The following SCAP variants were observed in gnomAD, a reference collection of about 807,000 sequenced individuals.
SCAP encodes sterol regulatory element-binding protein cleavage-activating protein.
In SCAP, 65 loss-of-function variants were observed where a neutral mutation model predicts 123.6. The observed-to-expected ratio is 0.53, with a 90% CI of 0.43 to 0.65. The LOEUF is 0.65. Ranked by LOEUF, SCAP falls within the 30% of genes least tolerant of loss-of-function variation. SCAP has a pLI of 0.00. For missense variants in SCAP, 1,398 were observed against 1,712.5 expected, an observed-to-expected ratio of 0.82 and a Z score of 3.24; for synonymous variants, 740 against 726.3, an observed-to-expected ratio of 1.02 and a Z score of -0.30.
chr3:47,472,612 C>T (rs920009923), intron 1 of SCAP, among the ~76,000 whole-genome samples: 7 of 152,126 alleles, frequency 4.6e-5, no homozygotes, highest in Admixed American at 6.6e-5. Context: ...ATCCCTGCAA[C>T]CATTCTAGGT....
intron 14 of SCAP, 29 bp downstream of exon 14, chr3:47,418,626 T>TACCCCCCC: frequency 4.1e-6 from 6 of 1,459,562 alleles, no homozygotes; most frequent in Non-Finnish European, 5.7e-6. Context: ...CCGCACTCTT[T>TACCCCCCC]CCCACCCCAC....
chr3:47,413,890 C>T lies in SCAP; in HGVS notation c.3804G>A (p.Leu1268=), dbSNP rs767664832. Residue 1268 remains leucine, a synonymous_variant, in exon 23 of 23, where the codon CTG becomes CTA. Transcript: ENST00000265565. ...TCTCCAGCACAGAGGGCACATACAC[C>T]AGGCTGAGCTCACTGCCAAAGTTGC... ...IVCNFGSELS[L]VYVPSVLEKL... The T allele has an allele frequency of 2.5e-6, 4 of 1,613,040 alleles. No homozygotes were observed. The African/African-American group carries it at 5.3e-5, about 22-fold the overall frequency.
intron 3 of SCAP, among the ~76,000 whole-genome samples, chr3:47,430,576 C>T (rs970668227): frequency 1.7e-4 from 26 of 152,126 alleles, no homozygotes; most frequent in Admixed American, 1.3e-4. Flanking sequence ...ACAGAAATTA[C>T]GAGGAAGATG....
At chr3:47,429,146 A>C (rs1426128845) in intron 3 of SCAP, 1 of 158,748 alleles carries the variant, frequency 6.3e-6, no homozygotes, top group East Asian at 1.9e-4. Context: ...CCTTAAAGCC[A>C]GCACAGGGAG....
chr3:47,449,123 AG>A (rs1216315275), intron 1 of SCAP, among the ~76,000 whole-genome samples: 1 of 152,214 alleles, frequency 6.6e-6, no homozygotes, highest in East Asian at 1.9e-4. Context: ...GGGCCAGTGC[AG>A]AACTACTTGA....
intron 1 of SCAP, among the ~76,000 whole-genome samples, chr3:47,459,447 A>G (rs1458891941): frequency 1.3e-5 from 2 of 152,198 alleles, no homozygotes; most frequent in Non-Finnish European, 2.9e-5. Flanking sequence ...ATATTTCAAC[A>G]TAGGTTCTTT....
At chr3:47,471,834 G>C (rs143381584) in intron 1 of SCAP, among the ~76,000 whole-genome samples, 29 of 152,132 alleles carry the variant, frequency 1.9e-4, no homozygotes, top group African/African-American at 6.7e-4. Context: ...TGATAATACA[G>C]TGTACATTAT....
In SCAP at chr3:47,418,318, C is replaced by A; in HGVS notation, c.2331+3G>T. On this transcript the variant is annotated splice_donor_region_variant and intron_variant, in intron 15 of 22. Coordinates refer to ENST00000265565, the MANE Select transcript of SCAP (RefSeq NM_012235.4). ...CCTACCCGGCCACTGTGCCCCTGCT[C>A]ACCATGAGGTGGCCGCGCAGCACAA... is the stretch of plus-strand genomic sequence containing the variant. The A allele has an allele frequency of 6.4e-7, 1 of 1,559,440 alleles. No individual in the cohort carries two copies.
chr3:47,468,069 A>G (rs939513074), intron 1 of SCAP, among the ~76,000 whole-genome samples: 24 of 152,116 alleles, frequency 1.6e-4, no homozygotes, highest in African/African-American at 5.8e-4. Flanking sequence ...TTATGGCTGC[A>G]TAGTATTCCA....
At position 47,449,435 on chromosome 3, in the gene SCAP, C is replaced by T. The variant is rs1304294009; in HGVS notation, c.-98-6344G>A. ...AAAGGAAAGAACAAAATCAAGGATT[C>T]CCTCCATGCTCCTGGGACCACAGTC... On this transcript the variant is annotated intron_variant, in intron 1 of 22. Transcript: ENST00000265565. Among the ~76,000 whole-genome samples, 2 of 124,636 alleles carry T rather than the reference C, an allele frequency of 1.6e-5. 1 individual carries two copies. Among genetic ancestry groups the T allele is most frequent in the East Asian group, 5.8e-4 (2 of 3,466 alleles). 81.8% of individuals were successfully genotyped at this position (124,636 alleles called of 152,430 possible). A position where few individuals can be genotyped will look rare whatever the true frequency, so the allele number is the denominator to read the frequency against.
chr3:47,425,508 G>A lies in SCAP; in HGVS notation c.1014C>T (p.Gly338=). ...ACCCGCCATTGAGGGTGGGCGTCAG[G>A]CCGAAGAGTGTGCAGAGTCCCACAG... is the stretch of plus-strand genomic sequence containing the variant. The part of the protein sequence containing the change: ...LMSVGLCTLF[G]LTPTLNGGEI... The change falls in exon 8 of 23, where the codon GGC becomes GGT. Residue 338 remains glycine (G), a synonymous_variant. Transcript: ENST00000265565. 13 of 1,613,866 alleles carry A rather than the reference G, an allele frequency of 8.1e-6. No homozygotes were observed. The highest frequency in any genetic ancestry group is 9.3e-6 in the Non-Finnish European group (11 of 1,180,050).
intron 1 of SCAP, among the ~76,000 whole-genome samples, chr3:47,466,140 A>C (rs1426652986): frequency 2.7e-5 from 4 of 149,546 alleles, no homozygotes; most frequent in East Asian, 2.0e-4. Flanking sequence ...AAAAACCAAA[A>C]AAAAAAAAAA....
chr3:47,464,482 A>G (rs1707756325), intron 1 of SCAP, among the ~76,000 whole-genome samples: 1 of 152,164 alleles, frequency 6.6e-6, no homozygotes. Context: ...GTAATATGCC[A>G]CATTACTAGA....
Position 47,417,393 on chromosome 3 carries a change from C to T in SCAP, c.2881G>A (p.Ala961Thr), listed in dbSNP as rs377731584. 106 of 1,593,542 alleles carry T rather than the reference C, an allele frequency of 6.7e-5. 2 individuals carry two copies. Among genetic ancestry groups the T allele is most frequent in the Middle Eastern group, 6.6e-4 (4 of 6,040 alleles). The change falls in exon 17 of 23, where the codon GCC becomes ACC. Residue 961 changes from alanine to threonine, a missense_variant. Transcript: ENST00000265565. ...GSPEKGSPSL[A>T]WAPSAEGSIW... is the part of the protein sequence containing the mutation. ...GAACCCTCGGCACTGGGGGCCCAGG[C>T]GAGGGAAGGGGAGCCTTTCTCGGGG...
chr3:47,418,253 C>A lies in SCAP; in HGVS notation c.2332-4G>T. 6.4e-7 allele frequency: 1 copy of A among 1,561,618 alleles called. No homozygotes were observed. ...CGCTGGCCAGGCACTCGATGTCCTG[C>A]AGAAGCCCGGTGTTGGTATGGGCCA... is the stretch of plus-strand genomic sequence containing the variant. On this transcript the variant is annotated splice_polypyrimidine_tract_variant and splice_region_variant and intron_variant, in intron 15 of 22. Coordinates refer to ENST00000265565, the MANE Select transcript of SCAP (RefSeq NM_012235.4).
intron 2 of SCAP, among the ~76,000 whole-genome samples, chr3:47,440,319 G>A (rs376158944): frequency 6.6e-6 from 1 of 152,170 alleles, no homozygotes; most frequent in African/African-American, 2.4e-5. Flanking sequence ...GGACAGAAAA[G>A]CTTCAGTGGG....
intron 3 of SCAP, among the ~76,000 whole-genome samples, chr3:47,432,664 T>C (rs1002788725): frequency 6.6e-6 from 1 of 152,152 alleles, no homozygotes; most frequent in African/African-American, 2.4e-5. Context: ...TATTTTCCCT[T>C]TTTTAAAATT....
At position 47,420,211 on chromosome 3, in the gene SCAP, C is replaced by T. The variant is rs765904028; in HGVS notation, c.1563+343G>A. Reference sequence around the variant, plus strand: ...CCAGCACTTTCCAGTGTCTGCACACCATGCAGCGGCCGATGAACCCGACCC... The same window carrying T: ...CCAGCACTTTCCAGTGTCTGCACACTATGCAGCGGCCGATGAACCCGACCC... On this transcript the variant is annotated intron_variant, in intron 12 of 22. Transcript: ENST00000265565. The surrounding 1 kb of genome is among the most constrained non-coding windows in gnomAD (Gnocchi z 5.0). Among the ~76,000 whole-genome samples, 22 of 152,226 alleles carry T rather than the reference C, an allele frequency of 1.4e-4. No individual in the cohort carries two copies. Among genetic ancestry groups the T allele is most frequent in the Admixed American group, 6.5e-4 (10 of 15,286 alleles).
chr3:47,441,854 T>A (rs1349642217), intron 2 of SCAP, among the ~76,000 whole-genome samples: 1 of 147,600 alleles, frequency 6.8e-6, no homozygotes, highest in African/African-American at 2.5e-5. Flanking sequence ...AGCAAGAAAC[T>A]CTCAGTGATG....
Sources: gnomAD v4.1 joint callset for allele counts (sites outside exome capture counted in the v4.1 genomes callset) on GRCh38, gnomAD v4.1.1 for gene constraint, Gnocchi (gnomAD v3.1) non-coding constraint, MANE v1.5 for transcripts, NCBI Gene and HGNC (gene_info 2026-07-23, HGNC 2026-07-21) for gene names.